Variants in TRPM3 observed in about 807,000 individuals in gnomAD.
TRPM3 encodes long transient receptor potential channel 3.
Under a neutral mutation model 181.2 loss-of-function variants are expected in TRPM3, and 77 were observed. That is an observed-to-expected ratio of 0.42 (90% CI 0.35 to 0.51). The LOEUF (loss-of-function observed/expected upper bound fraction) is 0.51. Ranked by LOEUF, TRPM3 falls within the 20% of genes least tolerant of loss-of-function variation. TRPM3 has a pLI of 0.01. For synonymous variants in TRPM3, 745 were observed against 796.4 expected (o/e 0.94, Z 1.09); for missense variants, 1,759 against 2,196.7 (o/e 0.80, Z 3.98).
At chr9:70,901,199 T>C (rs2096380864) in intron 1 of TRPM3, among the ~76,000 whole-genome samples, 1 of 152,168 alleles carries the variant, frequency 6.6e-6, no homozygotes, top group Non-Finnish European at 1.5e-5. Context: ...ACACAGTTGT[T>C]ATTGGGTGTG....
chr9:70,798,149 G>A lies in TRPM3; in HGVS notation c.974-13870C>T, dbSNP rs141900345. On this transcript the variant is annotated intron_variant, in intron 6 of 25. Transcript: ENST00000677713. ...GGCTCACTGCCGCCTCGACTTCCCA[G>A]GCTCAACCGATCCTCCAACATCAGC... 2.3e-3 allele frequency among the ~76,000 whole-genome samples: 344 copies of A among 152,232 alleles called. 3 individuals are homozygous for A. The highest frequency in any genetic ancestry group is 7.8e-3 in the African/African-American group (325 of 41,514).
chr9:70,880,802 T>C (rs373404831), intron 1 of TRPM3, among the ~76,000 whole-genome samples: 9 of 152,250 alleles, frequency 5.9e-5, no homozygotes, highest in East Asian at 3.9e-4. Flanking sequence ...ACAAGTAACT[T>C]AGAGGCTACT....
intron 1 of TRPM3, among the ~76,000 whole-genome samples, chr9:71,382,918 C>T (rs2132883548): frequency 6.6e-6 from 1 of 151,952 alleles, no homozygotes; most frequent in African/African-American, 2.4e-5. Flanking sequence ...TTTGGTAATC[C>T]TTTTCAGGAC....
At chr9:70,992,497 T>C (rs2097497945) in intron 1 of TRPM3, among the ~76,000 whole-genome samples, 1 of 152,206 alleles carries the variant, frequency 6.6e-6, no homozygotes, top group African/African-American at 2.4e-5. Context: ...ATGAGCCCTG[T>C]TCCTGTTCTC....
chr9:70,958,671 G>C (rs1590079588), intron 1 of TRPM3, among the ~76,000 whole-genome samples: 3 of 152,012 alleles, frequency 2.0e-5, no homozygotes, highest in African/African-American at 7.2e-5. Context: ...ATACCCAAAG[G>C]ACTATAAATC....
chr9:70,694,196 C>T (rs1399567919), intron 8 of TRPM3, among the ~76,000 whole-genome samples: 4 of 152,126 alleles, frequency 2.6e-5, no homozygotes, highest in Non-Finnish European at 4.4e-5. Flanking sequence ...TGAGACTGAC[C>T]GTATGAGGTC....
intron 1 of TRPM3, among the ~76,000 whole-genome samples, chr9:71,360,353 C>G (rs1373854906): frequency 1.3e-5 from 2 of 152,112 alleles, no homozygotes; most frequent in African/African-American, 4.8e-5. Flanking sequence ...CATCATAATT[C>G]TGTTATAAAC....
At chr9:71,224,970 G>C (rs530929752) in intron 1 of TRPM3, among the ~76,000 whole-genome samples, 4 of 152,170 alleles carry the variant, frequency 2.6e-5, no homozygotes, top group African/African-American at 9.6e-5. Flanking sequence ...CTAGAAAATA[G>C]CCTCAAAAGA....
intron 1 of TRPM3, among the ~76,000 whole-genome samples, chr9:71,224,067 A>C (rs2080419596): frequency 6.6e-6 from 1 of 152,206 alleles, no homozygotes; most frequent in Admixed American, 6.5e-5. Flanking sequence ...AGTAGTGGCT[A>C]CAGCAGGCCT....
At chr9:71,295,788 A>C (rs1023598266) in intron 1 of TRPM3, among the ~76,000 whole-genome samples, 4 of 149,698 alleles carry the variant, frequency 2.7e-5, no homozygotes, top group Admixed American at 2.0e-4. Context: ...TCAGTAAGCC[A>C]CGATCATGCC....
At chr9:70,837,572 A>G (rs1218290318) in intron 5 of TRPM3, among the ~76,000 whole-genome samples, 2 of 152,234 alleles carry the variant, frequency 1.3e-5, no homozygotes, top group African/African-American at 4.8e-5. Flanking sequence ...TTCAGAGAAG[A>G]CAAACAATCA....
chr9:70,620,509 A>C (rs1283674005), intron 15 of TRPM3, 144 bp from the exon 16 acceptor site: 1 of 873,514 alleles, frequency 1.1e-6, no homozygotes, highest in Non-Finnish European at 1.8e-6. Flanking sequence ...AAGAACTCAC[A>C]AGCTCATCCA....
intron 1 of TRPM3, among the ~76,000 whole-genome samples, chr9:70,979,635 C>A (rs1277687324): frequency 6.6e-6 from 1 of 152,178 alleles, no homozygotes; most frequent in Non-Finnish European, 1.5e-5. Context: ...GACCTAAATT[C>A]AACCAACACT....
chr9:70,631,938 A>G (rs1466806665), intron 12 of TRPM3, among the ~76,000 whole-genome samples: 1 of 152,210 alleles, frequency 6.6e-6, no homozygotes, highest in Non-Finnish European at 1.5e-5. Flanking sequence ...AGTTATTTAC[A>G]TATAGTTTTA....
intron 1 of TRPM3, among the ~76,000 whole-genome samples, chr9:71,332,718 A>G (rs2090294191): frequency 6.6e-6 from 1 of 151,808 alleles, no homozygotes; most frequent in African/African-American, 2.4e-5. Flanking sequence ...ACAATTTTAT[A>G]GGATTTCTTA....
chr9:70,968,577 A>T (rs942028860), intron 1 of TRPM3, among the ~76,000 whole-genome samples: 1 of 152,170 alleles, frequency 6.6e-6, no homozygotes. Context: ...TTTAAAAGTG[A>T]TCCAGGTCAC....
At chr9:70,671,026 G>A (rs1254449318) in intron 9 of TRPM3, among the ~76,000 whole-genome samples, 1 of 152,108 alleles carries the variant, frequency 6.6e-6, no homozygotes, top group South Asian at 2.1e-4. Context: ...CCGACTCTAT[G>A]CCAGGCACTG....
intron 1 of TRPM3, among the ~76,000 whole-genome samples, chr9:71,241,934 A>G (rs1306957891): frequency 6.6e-6 from 1 of 152,246 alleles, no homozygotes; most frequent in African/African-American, 2.4e-5. Flanking sequence ...TGGGACATTC[A>G]TTTAATTAGA....
intron 8 of TRPM3, among the ~76,000 whole-genome samples, chr9:70,759,782 G>C (rs148835968): frequency 0.019 from 2,927 of 152,028 alleles, 113 homozygotes; most frequent in African/African-American, 0.065. Flanking sequence ...GAGCTGAACA[G>C]TAAGAACACA....
Sources: gnomAD v4.1 joint callset for allele counts (sites outside exome capture counted in the v4.1 genomes callset) on GRCh38, gnomAD v4.1.1 for gene constraint, MANE v1.5 for transcripts, NCBI Gene and HGNC (gene_info 2026-07-23, HGNC 2026-07-21) for gene names.